MYT1L: variants seen among roughly 807,000 people sequenced by gnomAD.
MYT1L encodes myelin transcription factor 1-like protein.
MYT1L carries 12 observed loss-of-function variants against 126.7 expected under a neutral mutation model. The observed-to-expected ratio is 0.09, with a 90% CI of 0.06 to 0.15. MYT1L has a LOEUF of 0.15. MYT1L is among the 10% of genes least tolerant of loss of function. MYT1L has a pLI of 1.00. For missense variants in MYT1L, 979 were observed against 1,585.2 expected, an observed-to-expected ratio of 0.62 and a Z score of 6.49; for synonymous variants, 541 against 604.2, an observed-to-expected ratio of 0.90 and a Z score of 1.53.
intron 2 of MYT1L, among the ~76,000 whole-genome samples, chr2:2,242,092 A>G (rs2094451113): frequency 6.6e-6 from 1 of 152,212 alleles, no homozygotes; most frequent in South Asian, 2.1e-4. Flanking sequence ...GGAAAAACAG[A>G]GAGGAAAAGG....
intron 19 of MYT1L, among the ~76,000 whole-genome samples, chr2:1,845,743 C>T (rs2042409230): frequency 6.6e-6 from 1 of 152,234 alleles, no homozygotes; most frequent in Admixed American, 6.5e-5. Context: ...AATTTTACCC[C>T]CTTATACTGA....
chr2:1,815,184 G>A (rs977716302), intron 21 of MYT1L, among the ~76,000 whole-genome samples: 2 of 152,302 alleles, frequency 1.3e-5, no homozygotes, highest in East Asian at 1.9e-4. Flanking sequence ...AGCTCCGGCC[G>A]CCACAGGCCT....
intron 3 of MYT1L, among the ~76,000 whole-genome samples, chr2:2,158,238 G>A (rs2087057261): frequency 6.6e-6 from 1 of 151,686 alleles, no homozygotes; most frequent in African/African-American, 2.4e-5. Flanking sequence ...GCCCTTGCTA[G>A]GCAGATTTTA....
At chr2:1,993,590 C>A (rs2061604546) in intron 5 of MYT1L, among the ~76,000 whole-genome samples, 1 of 152,140 alleles carries the variant, frequency 6.6e-6, no homozygotes, top group Admixed American at 6.5e-5. Context: ...TCCAGCCAGC[C>A]CTCCAAGTTC....
Position 1,979,075 on chromosome 2 carries a change from A to T in MYT1L, c.152+90T>A. On this transcript the variant is annotated intron_variant, in intron 8 of 24. Transcript: ENST00000647738. The surrounding 1 kb of genome is among the most constrained non-coding windows in gnomAD (Gnocchi z 4.0). ...GCATAATGTGTATTGCTTTCCAAGA[A>T]CACCTGCTCACACAGTTCATCATCA... 1 of 1,023,514 alleles carries T rather than the reference A, an allele frequency of 9.8e-7. No individual in the cohort carries two copies. The highest frequency in any genetic ancestry group is 1.5e-6 in the Non-Finnish European group (1 of 673,472). 63.4% of individuals were successfully genotyped at this position (1,023,514 alleles called of 1,614,324 possible). A position where few individuals can be genotyped will look rare whatever the true frequency, so the allele number is the denominator to read the frequency against.
rs546015427 is a variant in MYT1L, at chr2:1,806,930, G to T, written c.3172+2146C>A. Among the ~76,000 whole-genome samples, 4 of 152,378 alleles carry T rather than the reference G, an allele frequency of 2.6e-5. No individual in the cohort carries two copies. In the East Asian group the frequency reaches 7.7e-4, roughly 29 times the overall value. ...TATTTTGAAAAGCGCCCGGCATGCA[G>T]ATGGGGCTTAGGGAATGTTTTCTTT... On this transcript the variant is annotated intron_variant, in intron 22 of 24. Coordinates refer to ENST00000647738, the MANE Select transcript of MYT1L (RefSeq NM_001303052.2). This position sits in a 1 kb window ranked among gnomAD's most constrained non-coding sequence, Gnocchi z 4.9.
chr2:2,082,066 T>C (rs991208379), intron 3 of MYT1L, among the ~76,000 whole-genome samples: 4 of 152,026 alleles, frequency 2.6e-5, no homozygotes, highest in Non-Finnish European at 5.9e-5. Flanking sequence ...AAAGCATAAT[T>C]GGAATGAGGA....
At chr2:2,120,797 T>G (rs2080883899) in intron 3 of MYT1L, among the ~76,000 whole-genome samples, 1 of 151,932 alleles carries the variant, frequency 6.6e-6, no homozygotes, top group Non-Finnish European at 1.5e-5. Context: ...TGCACACACG[T>G]GTGTGTGTAT....
intron 18 of MYT1L, among the ~76,000 whole-genome samples, chr2:1,873,597 C>T (rs1316169672): frequency 2.0e-5 from 3 of 152,156 alleles, no homozygotes; most frequent in African/African-American, 7.2e-5. Context: ...CAATTAAATT[C>T]ACTGATGATT....
At chr2:2,027,998 G>C (rs2065827351) in intron 4 of MYT1L, among the ~76,000 whole-genome samples, 1 of 152,202 alleles carries the variant, frequency 6.6e-6, no homozygotes, top group Non-Finnish European at 1.5e-5. Context: ...ATTCAATTTT[G>C]CTGTCTTGTA....
chr2:1,968,901 C>G (rs971262006), intron 8 of MYT1L, among the ~76,000 whole-genome samples: 1 of 151,974 alleles, frequency 6.6e-6, no homozygotes, highest in African/African-American at 2.4e-5. Context: ...AGCCTCTGGG[C>G]CCCTCCTGCG....
chr2:2,276,874 AG>A (rs2095367953), intron 2 of MYT1L, among the ~76,000 whole-genome samples: 1 of 152,154 alleles, frequency 6.6e-6, no homozygotes, highest in Non-Finnish European at 1.5e-5. Context: ...GTGCATCCAA[AG>A]GAACACTCCT....
At chr2:2,133,520 C>T (rs2148051753) in intron 3 of MYT1L, among the ~76,000 whole-genome samples, 1 of 152,270 alleles carries the variant, frequency 6.6e-6, no homozygotes, top group South Asian at 2.1e-4. Flanking sequence ...AACTCAAAAG[C>T]ATAAAAACAC....
chr2:2,200,434 C>G (rs571598678), intron 2 of MYT1L, among the ~76,000 whole-genome samples: 1 of 152,116 alleles, frequency 6.6e-6, no homozygotes, highest in South Asian at 2.1e-4. Context: ...CTGTGGCTTC[C>G]GACCCCTTCC....
chr2:1,890,069 ATTT>A (rs66780734), intron 15 of MYT1L, among the ~76,000 whole-genome samples: 2,654 of 145,754 alleles, frequency 0.018, 44 homozygotes, highest in Non-Finnish European at 0.028. Context: ...TTGTAATACA[ATTT>A]TTTTTTTTTT....
chr2:2,022,210 T>C (rs865806353), intron 4 of MYT1L, among the ~76,000 whole-genome samples: 1 of 152,166 alleles, frequency 6.6e-6, no homozygotes, highest in African/African-American at 2.4e-5. Flanking sequence ...CTATGCAGGA[T>C]TCCTTCCAAA....
chr2:2,022,259 C>T (rs1005962782), intron 4 of MYT1L, among the ~76,000 whole-genome samples: 4 of 152,152 alleles, frequency 2.6e-5, no homozygotes, highest in African/African-American at 9.7e-5. Flanking sequence ...TGGATTCTTT[C>T]TCTCTCCTCA....
chr2:2,027,015 G>A (rs1574629386), intron 4 of MYT1L, among the ~76,000 whole-genome samples: 1 of 152,134 alleles, frequency 6.6e-6, no homozygotes. Flanking sequence ...GCGTCCAGGC[G>A]GGGGCACATC....
chr2:2,289,098 G>T (rs983957726), intron 1 of MYT1L, among the ~76,000 whole-genome samples: 1 of 152,170 alleles, frequency 6.6e-6, no homozygotes, highest in Non-Finnish European at 1.5e-5. Context: ...GATGACACTT[G>T]TCTGGGCAGA....
Sources: gnomAD v4.1 joint callset for allele counts (sites outside exome capture counted in the v4.1 genomes callset) on GRCh38, gnomAD v4.1.1 for gene constraint, Gnocchi (gnomAD v3.1) non-coding constraint, MANE v1.5 for transcripts, NCBI Gene and HGNC (gene_info 2026-07-23, HGNC 2026-07-21) for gene names.